DNAH9: variants seen among roughly 807,000 people sequenced by gnomAD.
DNAH9 encodes dynein axonemal heavy chain 9, also known as DNAH9 variant protein.
A neutral mutation model predicts 471.6 loss-of-function variants in DNAH9; 345 were observed. The ratio of observed to expected loss-of-function variants is 0.73; its 90% confidence interval spans 0.67 to 0.80. The LOEUF is 0.80. DNAH9 is among the 30% of genes least tolerant of loss of function. The probability of loss-of-function intolerance (pLI) is 0.00; values close to 1 mark genes in which losing one functional copy is unlikely to be tolerated. For synonymous variants in DNAH9, 2,093 were observed against 2,123.6 expected, an observed-to-expected ratio of 0.99 and a Z score of 0.40; for missense variants, 5,407 against 5,609.2, an observed-to-expected ratio of 0.96 and a Z score of 1.15.
intron 49 of DNAH9, among the ~76,000 whole-genome samples, chr17:11,852,789 T>C (rs910000575): frequency 7.5e-6 from 1 of 133,478 alleles, no homozygotes; most frequent in Non-Finnish European, 1.6e-5. Flanking sequence ...ATATAAGAGA[T>C]ATATATAAGA....
chr17:11,801,850 T>A (rs1017272975), intron 43 of DNAH9, among the ~76,000 whole-genome samples: 10 of 152,112 alleles, frequency 6.6e-5, no homozygotes, highest in African/African-American at 2.2e-4. Flanking sequence ...ATTCCATCAA[T>A]GTGGCTTCCA....
chr17:11,740,309 A>C (rs761315646), intron 29 of DNAH9, among the ~76,000 whole-genome samples: 1 of 152,180 alleles, frequency 6.6e-6, no homozygotes, highest in African/African-American at 2.4e-5. Context: ...GGGTGCCATA[A>C]TAAAAATACT....
chr17:11,915,612 G>A (rs1410409242), intron 61 of DNAH9, among the ~76,000 whole-genome samples: 1 of 152,072 alleles, frequency 6.6e-6, no homozygotes, highest in African/African-American at 2.4e-5. Context: ...AACATGACCT[G>A]TGTGGCCTGC....
In DNAH9 at chr17:11,854,069, G is replaced by A; in HGVS notation, c.9574G>A (p.Val3192Met). The A allele has an allele frequency of 6.2e-7, 1 of 1,614,174 alleles. No individual in the cohort carries two copies. The highest frequency in any genetic ancestry group is 1.1e-5 in the South Asian group (1 of 91,078). Residue 3192 changes from valine (V) to methionine (M), a missense_variant, in exon 50 of 69, where the codon GTG becomes ATG. By Grantham distance (21) the Val-to-Met change is conservative. Transcript: ENST00000262442. ...PLAVSNVSAA[V>M]MVLMAPRGRV... ...GGCCGTCAGCAATGTCAGCGCTGCG[G>A]TGATGGTACTGATGGCTCCCAGGGG...
intron 26 of DNAH9, among the ~76,000 whole-genome samples, chr17:11,715,973 C>G (rs76130531): frequency 0.025 from 3,813 of 152,196 alleles, 157 homozygotes; most frequent in African/African-American, 0.086. Context: ...CAGAGAGAAT[C>G]CTAGAGCAGG....
intron 33 of DNAH9, among the ~76,000 whole-genome samples, chr17:11,753,526 G>T (rs1967244426): frequency 6.6e-6 from 1 of 152,146 alleles, no homozygotes; most frequent in Non-Finnish European, 1.5e-5. Flanking sequence ...AATTAGCTAG[G>T]CGTTGTGGCA....
At position 11,598,735 on chromosome 17, in the gene DNAH9, G is replaced by A; in HGVS notation, c.237G>A (p.Arg79=). The change falls in exon 1 of 69, where the codon AGG becomes AGA. Residue 79 remains arginine (R), a synonymous_variant. Transcript: ENST00000262442. ...RPLLVVRPGP[R]GLAIRPGLEV... ...TGCTGGTGGTGCGGCCCGGGCCCAGGGGCCTGGCAATACGCCCCGGGCTGG... is the reference window on the plus strand; with the variant it reads ...TGCTGGTGGTGCGGCCCGGGCCCAGAGGCCTGGCAATACGCCCCGGGCTGG... 7.1e-7 allele frequency: 1 copy of A among 1,401,184 alleles called. No homozygotes were observed. Among genetic ancestry groups the A allele is most frequent in the Non-Finnish European group, 9.2e-7 (1 of 1,085,268 alleles). 86.8% of individuals were successfully genotyped at this position (1,401,184 alleles called of 1,614,324 possible).
At chr17:11,708,657 G>T (rs2074774289) in intron 26 of DNAH9, among the ~76,000 whole-genome samples, 1 of 152,008 alleles carries the variant, frequency 6.6e-6, no homozygotes, top group Admixed American at 6.6e-5. Context: ...CTGTCTTTAG[G>T]GCCATTCTCA....
chr17:11,709,438 A>T (rs915297324), intron 26 of DNAH9, among the ~76,000 whole-genome samples: 8 of 152,246 alleles, frequency 5.3e-5, no homozygotes, highest in African/African-American at 1.9e-4. Context: ...TCACATTTTA[A>T]AAAGCATTCA....
chr17:11,922,740 A>G (rs956089328), intron 61 of DNAH9, among the ~76,000 whole-genome samples: 8 of 152,238 alleles, frequency 5.3e-5, no homozygotes, highest in African/African-American at 1.9e-4. Context: ...TGGGAATGAT[A>G]GGAGAGGAGG....
intron 4 of DNAH9, among the ~76,000 whole-genome samples, chr17:11,614,002 G>A (rs1013360463): frequency 3.3e-5 from 5 of 152,168 alleles, no homozygotes; most frequent in African/African-American, 7.2e-5. Context: ...GTATATGCCG[G>A]CAATGAATTT....
intron 7 of DNAH9, among the ~76,000 whole-genome samples, chr17:11,630,736 G>C (rs1318661619): frequency 6.6e-6 from 1 of 152,142 alleles, no homozygotes; most frequent in African/African-American, 2.4e-5. Context: ...AAGAAAAACT[G>C]TATTGCGTAC....
chr17:11,859,821 C>G (rs556277706), intron 50 of DNAH9, among the ~76,000 whole-genome samples: 49 of 152,240 alleles, frequency 3.2e-4, no homozygotes, highest in African/African-American at 1.2e-3. Flanking sequence ...GGGAATGATG[C>G]GAAACCATTC....
chr17:11,742,130 CTG>C, intron 29 of DNAH9, 43 bp from the exon 30 acceptor site: 2 of 1,600,606 alleles, frequency 1.2e-6, no homozygotes, highest in South Asian at 1.1e-5. Flanking sequence ...CTCTTCAACA[CTG>C]TACTTGGGAA....
intron 38 of DNAH9, among the ~76,000 whole-genome samples, chr17:11,771,203 AC>A (rs1315553105): frequency 1.3e-5 from 2 of 152,060 alleles, no homozygotes; most frequent in Non-Finnish European, 2.9e-5. Context: ...GGCTTGGCTC[AC>A]TGCAACCTCT....
chr17:11,919,031 T>C (rs1018286523), intron 61 of DNAH9, among the ~76,000 whole-genome samples: 1 of 151,634 alleles, frequency 6.6e-6, no homozygotes, highest in Non-Finnish European at 1.5e-5. Flanking sequence ...CAAAAAGAGA[T>C]GGGATTTAAA....
At chr17:11,703,102 A>AAAAAAAG (rs773465404) in intron 24 of DNAH9, among the ~76,000 whole-genome samples, 6 of 151,432 alleles carry the variant, frequency 4.0e-5, no homozygotes, top group African/African-American at 1.5e-4. Context: ...AAAAAAAAAA[A>AAAAAAAG]AAAAGAAAAG....
rs2072970555 is a variant in DNAH9 at position 11,626,385 on chromosome 17, T to C, written c.1351-3032T>C. Among the ~76,000 whole-genome samples the C allele has an allele frequency of 6.6e-6, 1 of 152,210 alleles. No individual in the cohort carries two copies. Among genetic ancestry groups the C allele is most frequent in the African/African-American group, 2.4e-5 (1 of 41,458 alleles). ...TTAAGGCTAATCAAAGATATAGCCA[T>C]GGTCAATGCCATAAGTCTGGTGTCT... On this transcript the variant is annotated intron_variant, in intron 6 of 68. Transcript: ENST00000262442. This position sits in a 1 kb window ranked among gnomAD's most constrained non-coding sequence, Gnocchi z 4.3.
chr17:11,699,185 G>A (rs1051397733), intron 22 of DNAH9, among the ~76,000 whole-genome samples: 1 of 152,072 alleles, frequency 6.6e-6, no homozygotes, highest in African/African-American at 2.4e-5. Flanking sequence ...GGAGGTGGAG[G>A]TTGCAGTGAG....
Sources: gnomAD v4.1 joint callset for allele counts (sites outside exome capture counted in the v4.1 genomes callset) on GRCh38, gnomAD v4.1.1 for gene constraint, Gnocchi (gnomAD v3.1) non-coding constraint, MANE v1.5 for transcripts, NCBI Gene and HGNC (gene_info 2026-07-23, HGNC 2026-07-21) for gene names.